The following CNBD2 variants were observed in gnomAD, a reference collection of about 807,000 sequenced individuals.
CNBD2 encodes cyclic nucleotide binding domain containing 2, also known as cyclic nucleotide-binding domain-containing protein 2.
In CNBD2, 64 loss-of-function variants were observed where a neutral mutation model predicts 63.7. The observed-to-expected ratio is 1.00, with a 90% CI of 0.82 to 1.24. The LOEUF (loss-of-function observed/expected upper bound fraction) is 1.24. Among genes scored for constraint, CNBD2 ranks in the 50% most tolerant of loss-of-function variants. The pLI is 0.00. For synonymous variants in CNBD2, 229 were observed against 255.4 expected (o/e 0.90, Z 0.99); for missense variants, 691 against 713.5 (o/e 0.97, Z 0.36).
At chr20:36,026,950 C>T (rs2057289510) in intron 11 of CNBD2, among the ~76,000 whole-genome samples, 1 of 152,216 alleles carries the variant, frequency 6.6e-6, no homozygotes, top group African/African-American at 2.4e-5. Context: ...AGCACCTGTA[C>T]AGTGCCCAGC....
At chr20:36,020,634 A>G (rs1304731303) in intron 10 of CNBD2, among the ~76,000 whole-genome samples, 1 of 152,188 alleles carries the variant, frequency 6.6e-6, no homozygotes, top group Admixed American at 6.5e-5. Flanking sequence ...CATTTTCCAC[A>G]TCTGAGGATA....
intron 4 of CNBD2, among the ~76,000 whole-genome samples, chr20:35,981,701 A>G (rs972214009): frequency 6.6e-6 from 1 of 152,050 alleles, no homozygotes; most frequent in Admixed American, 6.6e-5. Flanking sequence ...CAGCCTCCCA[A>G]AATGCTGGGA....
intron 8 of CNBD2, among the ~76,000 whole-genome samples, chr20:35,996,582 A>C (rs2056828909): frequency 6.8e-6 from 1 of 146,706 alleles, no homozygotes; most frequent in African/African-American, 2.6e-5. Flanking sequence ...GTCTCAGCTC[A>C]CTGCAACCTC....
At chr20:35,986,230 A>C (rs1239301728) in intron 6 of CNBD2, among the ~76,000 whole-genome samples, 1 of 152,182 alleles carries the variant, frequency 6.6e-6, no homozygotes, top group Non-Finnish European at 1.5e-5. Flanking sequence ...ACAGCTACAG[A>C]GAAGTGTGAT....
intron 11 of CNBD2, among the ~76,000 whole-genome samples, chr20:36,028,689 T>TTTTTTTTTTTTTC (rs1305578277): frequency 6.6e-6 from 1 of 151,018 alleles, no homozygotes; most frequent in Non-Finnish European, 1.5e-5. Context: ...GGGCTGGTTT[T>TTTTTTTTTTTTTC]TTTTGGGACG....
downstream of CNBD2, chr20:35,955,404 A>T (rs1000623838): frequency 6.6e-6 from 1 of 152,206 alleles, no homozygotes; most frequent in Admixed American, 6.5e-5. Context: ...GCTTCTAAAA[A>T]CATTTAAATT....
chr20:35,960,442 A>G (rs77381777), intron 2 of CNBD2, among the ~76,000 whole-genome samples: 9,800 of 152,302 alleles, frequency 0.064, 524 homozygotes, highest in African/African-American at 0.16. Context: ...TCCTGGGTTC[A>G]AACTATTCTG....
upstream of CNBD2, among the ~76,000 whole-genome samples, chr20:35,965,691 G>A (rs2056340476): frequency 6.6e-6 from 1 of 152,022 alleles, no homozygotes; most frequent in African/African-American, 2.4e-5. Flanking sequence ...ACTTAAATGT[G>A]TGACTCTGAA....
chr20:35,989,889 G>GAGAA (rs1555810755), intron 7 of CNBD2, among the ~76,000 whole-genome samples: 1 of 135,530 alleles, frequency 7.4e-6, no homozygotes, highest in African/African-American at 2.8e-5. Flanking sequence ...GAGAGAGAGA[G>GAGAA]AAGAGGGGAG....
intron 8 of CNBD2, among the ~76,000 whole-genome samples, chr20:36,000,250 A>C (rs1368485561): frequency 6.6e-6 from 1 of 151,914 alleles, no homozygotes; most frequent in African/African-American, 2.4e-5. Context: ...CTAAGTTGAC[A>C]GGTTTTTTCT....
At chr20:36,025,009 A>G (rs1403040486) in intron 11 of CNBD2, among the ~76,000 whole-genome samples, 1 of 152,206 alleles carries the variant, frequency 6.6e-6, no homozygotes, top group Non-Finnish European at 1.5e-5. Flanking sequence ...AACAATGACA[A>G]CAACATTGAT....
At chr20:35,994,257 G>A (rs2056790010) in intron 7 of CNBD2, among the ~76,000 whole-genome samples, 1 of 151,918 alleles carries the variant, frequency 6.6e-6, no homozygotes, top group South Asian at 2.1e-4. Context: ...TAGGGACGGG[G>A]TTTATCCATA....
chr20:36,024,330 G>A (rs1039588699), intron 11 of CNBD2, among the ~76,000 whole-genome samples: 1 of 150,432 alleles, frequency 6.6e-6, no homozygotes. Flanking sequence ...GTGAAACTGT[G>A]TGTTAAAAAA....
intron 10 of CNBD2, among the ~76,000 whole-genome samples, chr20:36,020,645 A>G (rs1347015807): frequency 2.0e-5 from 3 of 152,076 alleles, no homozygotes; most frequent in Non-Finnish European, 4.4e-5. Flanking sequence ...TCTGAGGATA[A>G]CCCCCACATG....
intron 11 of CNBD2, among the ~76,000 whole-genome samples, chr20:36,026,827 G>A (rs1227393076): frequency 6.6e-6 from 1 of 152,160 alleles, no homozygotes; most frequent in Non-Finnish European, 1.5e-5. Context: ...ACACAGCTCT[G>A]TCATTGACCG....
intron 10 of CNBD2, among the ~76,000 whole-genome samples, chr20:36,021,663 C>A (rs2057210108): frequency 6.6e-6 from 1 of 152,152 alleles, no homozygotes; most frequent in African/African-American, 2.4e-5. Flanking sequence ...CCCTGCCCCT[C>A]CTTGCCTGAG....
chr20:35,978,188 G>C lies in CNBD2; in HGVS notation c.243+2186G>C, dbSNP rs552831597. On this transcript the variant is annotated intron_variant, in intron 3 of 11. Coordinates refer to ENST00000373973, the MANE Select transcript of CNBD2 (RefSeq NM_001365709.1). The stretch of plus-strand genomic sequence containing the variant: ...CATTTATGTAAATTTTTTATTTTTA[G>C]TTTTTGAGACAGAGTCTTGCTGTGT... Among the ~76,000 whole-genome samples, 5 of 152,170 alleles carry C rather than the reference G, an allele frequency of 3.3e-5. No individual in the cohort carries two copies. The South Asian group carries it at 1.0e-3, about 32-fold the overall frequency.
intron 1 of CNBD2, among the ~76,000 whole-genome samples, chr20:35,970,750 C>G (rs912623989): frequency 6.6e-6 from 1 of 152,064 alleles, no homozygotes; most frequent in African/African-American, 2.4e-5. Context: ...GGGTCTTGCT[C>G]TGTTACCCAG....
chr20:35,976,480 C>T (rs1481748407), intron 3 of CNBD2, among the ~76,000 whole-genome samples: 1 of 152,172 alleles, frequency 6.6e-6, no homozygotes, highest in East Asian at 1.9e-4. Context: ...GCTGTTGACA[C>T]TCGGAAGGCT....
Sources: gnomAD v4.1 joint callset for allele counts (sites outside exome capture counted in the v4.1 genomes callset) on GRCh38, gnomAD v4.1.1 for gene constraint, MANE v1.5 for transcripts, NCBI Gene and HGNC (gene_info 2026-07-23, HGNC 2026-07-21) for gene names.